ERC2: variants seen among roughly 807,000 people sequenced by gnomAD.
The protein encoded by ERC2 is ERC protein 2.
A neutral mutation model predicts 114.8 loss-of-function variants in ERC2; 42 were observed. The ratio of observed to expected loss-of-function variants is 0.37; its 90% CI spans 0.29 to 0.47. ERC2 has a LOEUF of 0.47. Among genes scored for constraint, ERC2 ranks in the 20% least tolerant of loss-of-function variants. The probability of loss-of-function intolerance (pLI) is 0.99; values close to 1 mark genes in which losing one functional copy is unlikely to be tolerated. For missense variants in ERC2, 939 were observed against 1,150.7 expected, an observed-to-expected ratio of 0.82 and a Z score of 2.66; for synonymous variants, 454 against 425.5, an observed-to-expected ratio of 1.07 and a Z score of -0.82.
At chr3:56,004,885 AT>A (rs993383653) in intron 10 of ERC2, among the ~76,000 whole-genome samples, 30 of 151,854 alleles carry the variant, frequency 2.0e-4, no homozygotes, top group African/African-American at 7.3e-4. Context: ...ATAGCTGCTT[AT>A]TTTTCCATGA....
intron 3 of ERC2, among the ~76,000 whole-genome samples, chr3:56,249,754 G>A (rs1245343428): frequency 1.3e-5 from 2 of 151,892 alleles, no homozygotes; most frequent in African/African-American, 4.8e-5. Flanking sequence ...TAGGCACAAT[G>A]CCTGCAACAG....
intron 1 of ERC2, among the ~76,000 whole-genome samples, chr3:56,439,106 C>G (rs1327682339): frequency 6.6e-6 from 1 of 152,100 alleles, no homozygotes; most frequent in African/African-American, 2.4e-5. Flanking sequence ...AGCATAATAC[C>G]AGTCTTCCCT....
intron 3 of ERC2, among the ~76,000 whole-genome samples, chr3:56,206,470 T>C (rs1188171416): frequency 1.3e-5 from 2 of 152,202 alleles, no homozygotes; most frequent in African/African-American, 4.8e-5. Context: ...CACCATAGCA[T>C]TGTTACAAGG....
At chr3:56,289,070 C>T (rs1433441289) in intron 3 of ERC2, among the ~76,000 whole-genome samples, 1 of 152,164 alleles carries the variant, frequency 6.6e-6, no homozygotes, top group Non-Finnish European at 1.5e-5. Context: ...CATTTCTTCA[C>T]CCACATTCTC....
chr3:56,386,254 A>C (rs1292483739), intron 2 of ERC2, among the ~76,000 whole-genome samples: 1 of 152,146 alleles, frequency 6.6e-6, no homozygotes, highest in Non-Finnish European at 1.5e-5. Context: ...AAAAAACAAG[A>C]TGTCAACTTC....
intron 14 of ERC2, among the ~76,000 whole-genome samples, chr3:55,861,535 A>G (rs2062027088): frequency 6.6e-6 from 1 of 152,232 alleles, no homozygotes. Context: ...AGCCTTTAAC[A>G]GCCCATGATA....
chr3:55,829,107 G>T (rs770634598), intron 14 of ERC2, among the ~76,000 whole-genome samples: 2 of 152,014 alleles, frequency 1.3e-5, no homozygotes, highest in Non-Finnish European at 2.9e-5. Flanking sequence ...CTCCAGCCTG[G>T]GCAACAGAGC....
At chr3:55,634,088 C>T (rs2059859963) in intron 17 of ERC2, among the ~76,000 whole-genome samples, 2 of 152,158 alleles carry the variant, frequency 1.3e-5, no homozygotes, top group Admixed American at 6.5e-5. Flanking sequence ...CAGCTTAGCA[C>T]AAAAGGGTCT....
intron 2 of ERC2, among the ~76,000 whole-genome samples, chr3:56,392,564 C>T (rs2060167212): frequency 6.6e-6 from 1 of 152,112 alleles, no homozygotes. Context: ...CTATCTACTC[C>T]CTCCTTTGAC....
rs369782814 is a variant in ERC2, at chr3:56,296,102, G to A, written c.991C>T (p.Arg331Trp). 4.8e-5 allele frequency: 78 copies of A among 1,613,614 alleles called. No individual in the cohort carries two copies. Among genetic ancestry groups the A allele is most frequent in the Non-Finnish European group, 6.1e-5 (72 of 1,179,718 alleles). Residue 331 changes from arginine (R) to tryptophan (W), a missense_variant, in exon 3 of 18, where the codon CGG (arginine) becomes TGG (tryptophan). By Grantham distance (101) the Arg-to-Trp change is moderately radical. Coordinates refer to ENST00000288221, the MANE Select transcript of ERC2 (RefSeq NM_015576.3). ...ACCTGAGACTCAGCCTCTGCCATCC[G>A]CCGCGTTCGCTCATTGTCATCCTCC... is the stretch of plus-strand genomic sequence containing the variant. ...SLEDDNERTR[R>W]MAEAESQVSH...
intron 4 of ERC2, among the ~76,000 whole-genome samples, chr3:56,152,226 C>T (rs2081450274): frequency 6.6e-6 from 1 of 152,012 alleles, no homozygotes; most frequent in African/African-American, 2.4e-5. Context: ...CTGGAAAGTC[C>T]TGAAGCAAAA....
intron 3 of ERC2, among the ~76,000 whole-genome samples, chr3:56,288,380 G>A (rs1010227889): frequency 2.0e-5 from 3 of 152,088 alleles, no homozygotes; most frequent in Non-Finnish European, 4.4e-5. Flanking sequence ...ATAACCTCCG[G>A]ACATTCTCAC....
intron 1 of ERC2, among the ~76,000 whole-genome samples, chr3:56,456,754 A>G (rs2063078579): frequency 2.0e-5 from 3 of 152,226 alleles, no homozygotes; most frequent in African/African-American, 7.2e-5. Context: ...TAAATTAATG[A>G]CAAAATTCAA....
chr3:56,312,029 T>G (rs1029800096), intron 2 of ERC2, among the ~76,000 whole-genome samples: 1 of 152,172 alleles, frequency 6.6e-6, no homozygotes, highest in African/African-American at 2.4e-5. Flanking sequence ...TTAGGTAGTA[T>G]AAGTAATCTA....
chr3:56,304,551 AGCTAGTAG>A lies in ERC2; in HGVS notation c.658-8124_658-8117del, dbSNP rs771965368. ...TGAGACTTGATCATCTTGACACCAA[AGCTAGTAG>A]GCATGAACTATACAAGAAAGGTACC... is the stretch of plus-strand genomic sequence containing the variant. On this transcript the variant is annotated intron_variant, in intron 2 of 17. Transcript: ENST00000288221. Among the ~76,000 whole-genome samples, 3 of 2,666 alleles carry A rather than the reference AGCTAGTAG, an allele frequency of 1.1e-3. No homozygotes were observed. The Non-Finnish European group carries it at 0.056, about 49-fold the overall frequency. The allele number at this position is 2,666 out of a possible 152,430, so 1.7% of individuals were successfully genotyped here.
chr3:56,002,464 C>A (rs915333150), intron 10 of ERC2, among the ~76,000 whole-genome samples: 1 of 152,104 alleles, frequency 6.6e-6, no homozygotes, highest in Non-Finnish European at 1.5e-5. Flanking sequence ...ACACAAGTCA[C>A]TAGGATAAAA....
intron 3 of ERC2, among the ~76,000 whole-genome samples, chr3:56,215,103 G>A (rs2049362487): frequency 6.6e-6 from 1 of 152,204 alleles, no homozygotes; most frequent in Middle Eastern, 3.4e-3. Context: ...AAAATAACGA[G>A]CTAACATCAT....
At chr3:55,732,298 A>T (rs901696657) in intron 15 of ERC2, among the ~76,000 whole-genome samples, 4 of 152,174 alleles carry the variant, frequency 2.6e-5, no homozygotes, top group African/African-American at 7.2e-5. Flanking sequence ...GGCAATAAGG[A>T]TACTGAAATT....
chr3:55,623,019 G>A (rs1226779636), intron 17 of ERC2, among the ~76,000 whole-genome samples: 1 of 152,194 alleles, frequency 6.6e-6, no homozygotes, highest in Non-Finnish European at 1.5e-5. Flanking sequence ...GGGAACCAAT[G>A]AGCTTTATCA....
Sources: gnomAD v4.1 joint callset for allele counts (sites outside exome capture counted in the v4.1 genomes callset) on GRCh38, gnomAD v4.1.1 for gene constraint, MANE v1.5 for transcripts, NCBI Gene and HGNC (gene_info 2026-07-23, HGNC 2026-07-21) for gene names.